Variants in SLC7A8 observed in about 807,000 individuals in gnomAD.
SLC7A8 encodes solute carrier family 7 member 8.
In SLC7A8, 30 loss-of-function variants were observed where a neutral mutation model predicts 51.2. That is an observed-to-expected ratio of 0.59 (90% CI 0.44 to 0.80). The LOEUF is 0.80. SLC7A8 is among the 30% of genes least tolerant of loss of function. The pLI, the probability that SLC7A8 is intolerant of heterozygous loss-of-function variation, is 0.00. For missense variants in SLC7A8, 612 were observed against 674.4 expected (o/e 0.91, Z 1.03); for synonymous variants, 257 against 275.8 (o/e 0.93, Z 0.67).
intron 3 of SLC7A8, chr14:23,155,033 TCCTC>T (rs1291375815): frequency 7.9e-6 from 4 of 508,382 alleles, no homozygotes; most frequent in African/African-American, 6.2e-5. Flanking sequence ...AAGCAGCCCT[TCCTC>T]ATAAACTGCG....
At position 23,171,222 on chromosome 14, in the gene SLC7A8, A is replaced by G. The variant is rs1335727349; in HGVS notation, c.152-4682T>C. 3.3e-5 allele frequency among the ~76,000 whole-genome samples: 5 copies of G among 152,334 alleles called. No individual in the cohort carries two copies. In the South Asian group the frequency reaches 1.0e-3, roughly 32 times the overall value. ...CCCCAACTAATAAAGTAATCATCTTATCACGCAGATCTTCTTTAGTGAAGA... is the reference window on the plus strand; with the variant it reads ...CCCCAACTAATAAAGTAATCATCTTGTCACGCAGATCTTCTTTAGTGAAGA... On this transcript the variant is annotated intron_variant, in intron 1 of 10. Coordinates refer to ENST00000316902, the MANE Select transcript of SLC7A8 (RefSeq NM_012244.4).
chr14:23,171,135 C>A (rs143792395), intron 1 of SLC7A8, among the ~76,000 whole-genome samples: 8 of 152,182 alleles, frequency 5.3e-5, no homozygotes, highest in Admixed American at 5.2e-4. Context: ...TAGAATGAGA[C>A]GCACATCCGT....
At chr14:23,136,138 G>C (rs1839062607) in intron 7 of SLC7A8, among the ~76,000 whole-genome samples, 1 of 152,166 alleles carries the variant, frequency 6.6e-6, no homozygotes, top group African/African-American at 2.4e-5. Flanking sequence ...AGACTGAAGC[G>C]AACAGCAGCA....
chr14:23,175,265 A>G (rs2048993909), intron 1 of SLC7A8, among the ~76,000 whole-genome samples: 1 of 152,168 alleles, frequency 6.6e-6, no homozygotes, highest in African/African-American at 2.4e-5. Flanking sequence ...TGGAGTAAGC[A>G]GTAGTGCAAC....
intron 3 of SLC7A8, among the ~76,000 whole-genome samples, chr14:23,145,709 A>C (rs1056242526): frequency 6.6e-6 from 1 of 152,162 alleles, no homozygotes; most frequent in African/African-American, 2.4e-5. Context: ...CTCAGTCTAC[A>C]CATTCCACAG....
rs748962082 is a variant in SLC7A8 at position 23,139,465 on chromosome 14, T to C, written c.871A>G (p.Met291Val). The C allele has an allele frequency of 9.9e-6, 16 of 1,613,982 alleles. 1 individual carries two copies. The highest frequency in any genetic ancestry group is 7.7e-5 in the South Asian group (7 of 91,084). ...GATGCCAGCAGCTCCTGGGGGGACA[T>C]TGCAGTGACATAAGCGACATTGGCA... Reference protein sequence around the residue: ...VFANVAYVTAMSPQELLASNA... With the variant: ...VFANVAYVTAVSPQELLASNA... The change falls in exon 6 of 11, where the codon ATG becomes GTG. Residue 291 changes from methionine (M) to valine (V), a missense_variant. Physicochemically the swap from Met to Val is conservative, Grantham distance 21 (BLOSUM62 1). Coordinates refer to ENST00000316902, the MANE Select transcript of SLC7A8 (RefSeq NM_012244.4).
intron 7 of SLC7A8, among the ~76,000 whole-genome samples, chr14:23,135,391 T>C (rs540810807): frequency 1.3e-4 from 19 of 147,904 alleles, no homozygotes; most frequent in African/African-American, 2.7e-4. Context: ...CGCCTGGACA[T>C]AAAAGTTATT....
intron 3 of SLC7A8, among the ~76,000 whole-genome samples, chr14:23,159,323 A>G (rs533547062): frequency 6.6e-6 from 1 of 152,382 alleles, no homozygotes; most frequent in East Asian, 1.9e-4. Flanking sequence ...TCCATTGAGT[A>G]AAAATCAAGA....
chr14:23,174,757 C>T (rs571616185), intron 1 of SLC7A8, among the ~76,000 whole-genome samples: 20 of 152,282 alleles, frequency 1.3e-4, no homozygotes, highest in Admixed American at 6.5e-4. Flanking sequence ...TTCCAGATCT[C>T]CAGGGAGAAG....
At chr14:23,127,693 G>A (rs1279276400) in intron 10 of SLC7A8, among the ~76,000 whole-genome samples, 3 of 152,166 alleles carry the variant, frequency 2.0e-5, no homozygotes, top group Non-Finnish European at 4.4e-5. Context: ...ATGTCGACCA[G>A]GCTGGTCTCA....
chr14:23,180,915 T>C (rs937598486), intron 1 of SLC7A8, among the ~76,000 whole-genome samples: 1 of 152,046 alleles, frequency 6.6e-6, no homozygotes. Context: ...TAGTCCCAGC[T>C]ACTCGGGAGG....
chr14:23,182,232 C>A (rs1478823965), intron 1 of SLC7A8, among the ~76,000 whole-genome samples: 1 of 152,192 alleles, frequency 6.6e-6, no homozygotes, highest in African/African-American at 2.4e-5. Flanking sequence ...ACAGCTACTT[C>A]ACACAGTAAA....
chr14:23,128,305 G>A lies in SLC7A8; in HGVS notation c.1264-109C>T, dbSNP rs770321799. 1 of 1,554,078 alleles carries A rather than the reference G, an allele frequency of 6.4e-7. No individual in the cohort carries two copies. The highest frequency in any genetic ancestry group is 2.4e-5 in the East Asian group (1 of 41,712). ...TCACCCACAGAGACACATCCTCAAG[G>A]GCAAAGGCTGGGCTTCCCTCGGCTC... is the stretch of plus-strand genomic sequence containing the variant. On this transcript the variant is annotated intron_variant, in intron 9 of 10. Transcript: ENST00000316902. This position sits in a 1 kb window ranked among gnomAD's most constrained non-coding sequence, Gnocchi z 4.3.
chr14:23,180,159 G>T (rs1179293532), intron 1 of SLC7A8, among the ~76,000 whole-genome samples: 1 of 152,162 alleles, frequency 6.6e-6, no homozygotes, highest in African/African-American at 2.4e-5. Flanking sequence ...GCCCGCCTTG[G>T]CCTCCCAAAG....
At chr14:23,133,440 C>CAAAAAA (rs10577714) in intron 7 of SLC7A8, among the ~76,000 whole-genome samples, 2 of 93,220 alleles carry the variant, frequency 2.1e-5, no homozygotes, top group African/African-American at 4.1e-5. Flanking sequence ...GAACCTGTCT[C>CAAAAAA]AAAAAAAAAA....
intron 3 of SLC7A8, among the ~76,000 whole-genome samples, chr14:23,160,249 A>G (rs564773454): frequency 0.016 from 2,367 of 152,310 alleles, 73 homozygotes; most frequent in African/African-American, 0.055. Flanking sequence ...CCCAGGTAAC[A>G]GCCAAAAGAT....
intron 3 of SLC7A8, among the ~76,000 whole-genome samples, chr14:23,153,545 C>A (rs1237554601): frequency 2.6e-5 from 4 of 152,216 alleles, no homozygotes; most frequent in African/African-American, 9.7e-5. Flanking sequence ...GGACTGCTTT[C>A]TGTGCAGCAG....
intron 1 of SLC7A8, among the ~76,000 whole-genome samples, chr14:23,180,850 C>T (rs1877139111): frequency 6.6e-6 from 1 of 152,018 alleles, no homozygotes; most frequent in South Asian, 2.1e-4. Context: ...ACGGTGAAAC[C>T]CCGTCTCTAC....
chr14:23,182,778 C>T lies in SLC7A8; in HGVS notation c.137G>A (p.Cys46Tyr), dbSNP rs771024257. 1 of 1,596,242 alleles carries T rather than the reference C, an allele frequency of 6.3e-7. No individual in the cohort carries two copies. The highest frequency in any genetic ancestry group is 1.1e-5 in the South Asian group (1 of 87,300). Residue 46 changes from cysteine to tyrosine, a missense_variant, in exon 1 of 11, where the codon TGT becomes TAT. By Grantham distance (194) the Cys-to-Tyr change is radical (BLOSUM62 -2). Coordinates refer to ENST00000316902, the MANE Select transcript of SLC7A8 (RefSeq NM_012244.4). ...LKKEIGLVSA[C>Y]GIIVGNIIGS... ...ATGGAACTCACCTACGATGATACCA[C>T]AGGCACTGACCAATCCGATCTCTTT... is the stretch of plus-strand genomic sequence containing the variant.
Sources: allele counts gnomAD v4.1 joint callset (sites outside exome capture counted in the v4.1 genomes callset), GRCh38; gene constraint gnomAD v4.1.1; non-coding constraint Gnocchi (gnomAD v3.1); transcripts MANE v1.5; gene names NCBI Gene and HGNC (gene_info 2026-07-23, HGNC 2026-07-21).